NR6A1: variants seen among roughly 807,000 people sequenced by gnomAD.
NR6A1 encodes the protein nuclear receptor subfamily 6 group A member 1, also known as retinoic acid receptor-related testis-associated receptor.
In NR6A1, 7 loss-of-function variants were observed where a neutral mutation model predicts 59.1. The observed-to-expected ratio is 0.12, with a 90% CI of 0.07 to 0.22. The LOEUF is 0.22. NR6A1 is among the 10% of genes least tolerant of loss of function. The pLI is 1.00. For missense variants in NR6A1, 468 were observed against 611.6 expected (o/e 0.77, Z 2.48); for synonymous variants, 243 against 236.1 (o/e 1.03, Z -0.27).
intron 4 of NR6A1, among the ~76,000 whole-genome samples, chr9:124,542,074 A>G (rs940329133): frequency 6.6e-6 from 1 of 152,260 alleles, no homozygotes; most frequent in African/African-American, 2.4e-5. Context: ...TGTAAGATGG[A>G]AAAGTTCTAA....
intron 2 of NR6A1, among the ~76,000 whole-genome samples, chr9:124,701,337 C>A (rs994606367): frequency 2.0e-5 from 3 of 152,080 alleles, no homozygotes; most frequent in African/African-American, 4.8e-5. Context: ...ATTTAGAGCA[C>A]CTTTGCATGT....
chr9:124,575,061 T>A (rs911518967), intron 2 of NR6A1, among the ~76,000 whole-genome samples: 6 of 152,186 alleles, frequency 3.9e-5, no homozygotes, highest in Non-Finnish European at 7.3e-5. Context: ...CACTGTGATG[T>A]TCCTGCCTAT....
intron 2 of NR6A1, among the ~76,000 whole-genome samples, chr9:124,681,678 A>T (rs928181217): frequency 6.6e-6 from 1 of 152,224 alleles, no homozygotes; most frequent in Middle Eastern, 3.4e-3. Context: ...GAATTTTGGG[A>T]TATTTTTATC....
chr9:124,523,814 T>C (rs763295464), intron 9 of NR6A1, among the ~76,000 whole-genome samples: 11 of 152,218 alleles, frequency 7.2e-5, no homozygotes, highest in Admixed American at 6.5e-4. Flanking sequence ...AAAATCGTAT[T>C]GCTTTCTCCA....
At chr9:124,663,160 C>T (rs968795231) in intron 2 of NR6A1, among the ~76,000 whole-genome samples, 1 of 152,088 alleles carries the variant, frequency 6.6e-6, no homozygotes, top group Admixed American at 6.5e-5. Flanking sequence ...TCATAGCCTT[C>T]GATTACTGTG....
At chr9:124,642,568 A>C (rs1402094859) in intron 2 of NR6A1, among the ~76,000 whole-genome samples, 1 of 152,162 alleles carries the variant, frequency 6.6e-6, no homozygotes, top group East Asian at 1.9e-4. Flanking sequence ...CACCAATAAC[A>C]ATTCTTTTCT....
rs188949370 is a variant in NR6A1, at chr9:124,519,083, C to A, written c.*3622G>T. 4 of 152,316 alleles carry A rather than the reference C, an allele frequency of 2.6e-5. No individual in the cohort carries two copies. The highest frequency in any genetic ancestry group is 9.6e-5 in the African/African-American group (4 of 41,554). The allele number at this position is 152,316 out of a possible 1,614,324, so 9.4% of individuals were successfully genotyped here. A position where few individuals can be genotyped will look rare whatever the true frequency, so the allele number is the denominator to read the frequency against. On this transcript the variant is annotated 3_prime_UTR_variant, in exon 10 of 10. Coordinates refer to ENST00000487099, the MANE Select transcript of NR6A1 (RefSeq NM_033334.4). The stretch of plus-strand genomic sequence containing the variant: ...GTAGGAAATGGGTAACAGAGCAATG[C>A]ACCTAGCTCAGAGCCCAGGATTTTA...
At chr9:124,550,954 T>G (rs1833761859) in intron 3 of NR6A1, among the ~76,000 whole-genome samples, 1 of 152,240 alleles carries the variant, frequency 6.6e-6, no homozygotes, top group Admixed American at 6.5e-5. Flanking sequence ...GGTTATAAAT[T>G]AATCCTACAG....
intron 2 of NR6A1, among the ~76,000 whole-genome samples, chr9:124,643,107 G>A (rs1047863073): frequency 7.9e-6 from 1 of 125,984 alleles, no homozygotes; most frequent in Admixed American, 8.8e-5. Flanking sequence ...CGGGTGGGGG[G>A]GGGGAACAAA....
At chr9:124,643,957 G>A (rs926049584) in intron 2 of NR6A1, among the ~76,000 whole-genome samples, 2 of 152,130 alleles carry the variant, frequency 1.3e-5, no homozygotes, top group African/African-American at 4.8e-5. Flanking sequence ...CTGGGGTGCA[G>A]TGGCGCGATA....
chr9:124,672,452 T>C (rs984491537), intron 2 of NR6A1, among the ~76,000 whole-genome samples: 1 of 151,872 alleles, frequency 6.6e-6, no homozygotes. Context: ...CCGTCTCTAC[T>C]AAAAACACAA....
At chr9:124,603,152 CGTA>C (rs1378384352) in intron 2 of NR6A1, among the ~76,000 whole-genome samples, 3 of 152,124 alleles carry the variant, frequency 2.0e-5, no homozygotes, top group African/African-American at 7.2e-5. Context: ...TTACTCATCA[CGTA>C]GTATTTTTAT....
chr9:124,770,864 C>T (rs1216714274), intron 1 of NR6A1, among the ~76,000 whole-genome samples, 156 bp downstream of exon 1: 1 of 151,758 alleles, frequency 6.6e-6, no homozygotes, highest in African/African-American at 2.4e-5. Context: ...AGGGAGGGTC[C>T]GCGCCAACGG....
intron 2 of NR6A1, among the ~76,000 whole-genome samples, chr9:124,625,332 GT>G (rs1210302244): frequency 2.6e-5 from 4 of 152,170 alleles, no homozygotes; most frequent in African/African-American, 7.2e-5. Flanking sequence ...AAGAGCAATA[GT>G]GTTATTATTA....
At chr9:124,672,530 G>A (rs1837827045) in intron 2 of NR6A1, among the ~76,000 whole-genome samples, 3 of 151,918 alleles carry the variant, frequency 2.0e-5, no homozygotes, top group African/African-American at 4.8e-5. Flanking sequence ...CAGGAGAATC[G>A]CTTGACCCTG....
intron 2 of NR6A1, among the ~76,000 whole-genome samples, chr9:124,675,400 G>C (rs1045387670): frequency 2.0e-5 from 3 of 152,214 alleles, no homozygotes; most frequent in Non-Finnish European, 4.4e-5. Flanking sequence ...GGCACACACA[G>C]AAGGTGTTCA....
chr9:124,523,553 G>T (rs1044095775), intron 9 of NR6A1, among the ~76,000 whole-genome samples: 4 of 151,326 alleles, frequency 2.6e-5, no homozygotes, highest in African/African-American at 9.7e-5. Flanking sequence ...CAGGTGATTG[G>T]AAGTGCCGCC....
At chr9:124,569,762 A>G (rs184248967) in intron 2 of NR6A1, among the ~76,000 whole-genome samples, 2 of 152,352 alleles carry the variant, frequency 1.3e-5, no homozygotes, top group Admixed American at 1.3e-4. Context: ...TTAAACACAA[A>G]TAATAAAAAA....
At chr9:124,525,322 C>CACAG (rs3223288) in intron 8 of NR6A1, among the ~76,000 whole-genome samples, 4 of 150,378 alleles carry the variant, frequency 2.7e-5, no homozygotes, top group African/African-American at 4.9e-5. Flanking sequence ...CACACACACA[C>CACAG]AGCACCCTCC....
Sources: gnomAD v4.1 joint callset for allele counts (sites outside exome capture counted in the v4.1 genomes callset) on GRCh38, gnomAD v4.1.1 for gene constraint, MANE v1.5 for transcripts, NCBI Gene and HGNC (gene_info 2026-07-23, HGNC 2026-07-21) for gene names.